Variants in CD3D observed in about 807,000 individuals in gnomAD.
CD3D encodes the protein CD3 delta subunit of T-cell receptor complex, also known as T-cell surface glycoprotein CD3 delta chain.
Under a neutral mutation model 22.0 loss-of-function variants are expected in CD3D, and 22 were observed. The observed-to-expected ratio is 1.00, with a 90% confidence interval of 0.71 to 1.43. The LOEUF (loss-of-function observed/expected upper bound fraction) is 1.43, where lower values mean the gene tolerates loss of function less well. CD3D is among the 40% of genes most tolerant of loss of function. The pLI is 0.00. For missense variants in CD3D, 205 were observed against 211.7 expected, an observed-to-expected ratio of 0.97 and a Z score of 0.20; for synonymous variants, 74 against 81.2, an observed-to-expected ratio of 0.91 and a Z score of 0.48.
At chr11:118,339,538 CTG>C in intron 3 of CD3D, 44 bp from the exon 4 acceptor site, 6 of 1,609,554 alleles carry the variant, frequency 3.7e-6, no homozygotes, top group Non-Finnish European at 5.1e-6. Flanking sequence ...GCAGATGGGA[CTG>C]TGAGATCCAC....
At chr11:118,342,498 C>T in intron 1 of CD3D, 55 bp downstream of exon 1, 1 of 1,488,336 alleles carries the variant, frequency 6.7e-7, no homozygotes, top group Non-Finnish European at 9.4e-7. Context: ...GGCCTCACTC[C>T]CATCAGTAAT....
intron 1 of CD3D, 46 bp from the exon 2 acceptor site, chr11:118,340,639 C>T (rs1289153703): frequency 1.4e-5 from 19 of 1,356,018 alleles, no homozygotes; most frequent in Non-Finnish European, 1.9e-5. Flanking sequence ...CTTTGATCTG[C>T]ACCAAGCCCT....
intron 1 of CD3D, among the ~76,000 whole-genome samples, chr11:118,342,049 A>T (rs1480401866): frequency 6.6e-6 from 1 of 152,172 alleles, no homozygotes; most frequent in African/African-American, 2.4e-5. Flanking sequence ...TTCTAGGCCC[A>T]CATGCACCCA....
rs143616106 is a variant in CD3D at position 118,339,472 on chromosome 11, C to T, written c.429G>A (p.Leu143=). 2 of 1,614,126 alleles carry T rather than the reference C, an allele frequency of 1.2e-6. No homozygotes were observed. The highest frequency in any genetic ancestry group is 1.7e-6 in the Non-Finnish European group (2 of 1,180,022). The change falls in exon 4 of 5, where the codon TTG becomes TTA. Residue 143 remains leucine, a synonymous_variant. Coordinates refer to ENST00000300692, the MANE Select transcript of CD3D (RefSeq NM_000732.6). ...TCACCTGATAGACCTGGTCATTCCT[C>T]AACAGAGCTTGTGTGTCGGCAGCTA... is the stretch of plus-strand genomic sequence containing the variant. ...LSGAADTQAL[L]RNDQVYQPLR...
At position 118,340,469 on chromosome 11, in the gene CD3D, C is replaced by A; in HGVS notation, c.180G>T (p.Leu60=). The A allele has an allele frequency of 6.2e-7, 1 of 1,614,030 alleles. No homozygotes were observed. Among genetic ancestry groups the A allele is most frequent in the Non-Finnish European group, 8.5e-7 (1 of 1,179,954 alleles). The change falls in exon 2 of 5, where the codon CTG becomes CTT. Residue 60 remains leucine (L), a synonymous_variant. Coordinates refer to ENST00000300692, the MANE Select transcript of CD3D (RefSeq NM_000732.6). ...TLLSDITRLD[L]GKRILDPRGI... ...CTCGTGGGTCCAGGATGCGTTTTCC[C>A]AGGTCCAGTCTTGTAATGTCTGAGA...
At chr11:118,340,314 G>A (rs996898702) in intron 2 of CD3D, 61 bp downstream of exon 2, 2 of 1,327,150 alleles carry the variant, frequency 1.5e-6, no homozygotes, top group East Asian at 2.3e-5. Context: ...TCTCTAGCCA[G>A]AAAGTTCTCA....
In CD3D at chr11:118,342,627, A is replaced by G. The variant is rs200235888; in HGVS notation, c.-20T>C. 2 of 1,611,776 alleles carry G rather than the reference A, an allele frequency of 1.2e-6. No individual in the cohort carries two copies. Among genetic ancestry groups the G allele is most frequent in the South Asian group, 2.2e-5 (2 of 91,030 alleles). On this transcript the variant is annotated 5_prime_UTR_variant, in exon 1 of 5. Transcript: ENST00000300692. Reference sequence around the variant, plus strand: ...TTCCATCTCCCAGCGGAACTCATCCAGTAGATAAAGCCAGGTCACCGAACT... The same window carrying G: ...TTCCATCTCCCAGCGGAACTCATCCGGTAGATAAAGCCAGGTCACCGAACT...
In CD3D at chr11:118,339,197, T is replaced by C; in HGVS notation, c.481A>G (p.Ser161Gly). ...CGAGCCCAGTTTCCTCCAAGGTGGC[T>C]GTACTGAGCATCATCTCGATCTCGG... The part of the protein sequence containing the change: ...PLRDRDDAQY[S>G]HLGGNWARNK Residue 161 changes from serine to glycine, a missense_variant, in exon 5 of 5, where the codon AGC becomes GGC. Ser to Gly is a moderately conservative substitution (Grantham distance 56). Transcript: ENST00000300692. The C allele has an allele frequency of 6.2e-7, 1 of 1,614,046 alleles. No individual in the cohort carries two copies. Among genetic ancestry groups the C allele is most frequent in the Non-Finnish European group, 8.5e-7 (1 of 1,179,980 alleles).
chr11:118,339,477 GAGCTTGTGTGTCGGC>G lies in CD3D; in HGVS notation c.409_423del (p.Ala137_Ala141del). On this transcript the variant is annotated inframe_deletion and splice_region_variant, in exon 4 of 5. Coordinates refer to ENST00000300692, the MANE Select transcript of CD3D (RefSeq NM_000732.6). ...TGATAGACCTGGTCATTCCTCAACAGAGCTTGTGTGTCGGCAGCTAGAAGAACCAGAGAGAGACAT... is the reference window on the plus strand; with the variant it reads ...TGATAGACCTGGTCATTCCTCAACAGAGCTAGAAGAACCAGAGAGAGACAT... The G allele has an allele frequency of 6.2e-7, 1 of 1,614,042 alleles. No individual in the cohort carries two copies. Among genetic ancestry groups the G allele is most frequent in the South Asian group, 1.1e-5 (1 of 91,078 alleles).
Position 118,342,675 on chromosome 11 carries a change from C to A in CD3D, c.-68G>T. The A allele has an allele frequency of 1.5e-6, 2 of 1,340,292 alleles. No homozygotes were observed. Among genetic ancestry groups the A allele is most frequent in the South Asian group, 1.2e-5 (1 of 85,318 alleles). The allele number at this position is 1,340,292 out of a possible 1,614,324, so 83.0% of individuals were successfully genotyped here. A position where few individuals can be genotyped will look rare whatever the true frequency, so the allele number is the denominator to read the frequency against. ...ACTATCAGCCTGGGTGAGAGCTGCC[C>A]TCCCCTAGCTGACTCACAGGTACCG... is the stretch of plus-strand genomic sequence containing the variant. On this transcript the variant is annotated 5_prime_UTR_variant, in exon 1 of 5. The change creates a new upstream start codon in the 5' untranslated region. Coordinates refer to ENST00000300692, the MANE Select transcript of CD3D (RefSeq NM_000732.6).
chr11:118,341,733 C>T (rs1948301803), intron 1 of CD3D, among the ~76,000 whole-genome samples: 1 of 152,164 alleles, frequency 6.6e-6, no homozygotes, highest in African/African-American at 2.4e-5. Context: ...TGGGACTTTC[C>T]ATTTTAAAAC....
chr11:118,339,524 C>T, intron 3 of CD3D, 30 bp from the exon 4 acceptor site: 2 of 1,613,848 alleles, frequency 1.2e-6, no homozygotes, highest in Non-Finnish European at 1.7e-6. Flanking sequence ...ACATCAATGG[C>T]CTAGCAGATG....
intron 3 of CD3D, 122 bp from the exon 4 acceptor site, chr11:118,339,616 T>C: frequency 1.9e-6 from 3 of 1,558,874 alleles, no homozygotes; most frequent in Non-Finnish European, 2.6e-6. Flanking sequence ...CAGTCAAAGT[T>C]CTAGGAGTCT....
At chr11:118,339,073 G>A, downstream of CD3D, 1 of 1,203,020 alleles carries the variant, frequency 8.3e-7, no homozygotes, top group Non-Finnish European at 1.2e-6. Context: ...CCAGGCACCT[G>A]CTGAGTGAAA....
At position 118,339,461 on chromosome 11, in the gene CD3D, TG is replaced by T. The variant is rs766635975; in HGVS notation, c.439del (p.Gln147ArgfsTer33). On this transcript the variant is annotated frameshift_variant, in exon 4 of 5. Transcript: ENST00000300692. LOFTEE classifies it high-confidence loss of function. ...ADTQALLRND[Q>X]VYQPLRDRDD... ...CCCCTCAACGCTCACCTGATAGACC[TG>T]GTCATTCCTCAACAGAGCTTGTGTG... 1.9e-6 allele frequency: 3 copies of T among 1,614,086 alleles called. No homozygotes were observed. Among genetic ancestry groups the T allele is most frequent in the Non-Finnish European group, 2.5e-6 (3 of 1,180,008 alleles).
chr11:118,339,984 C>A (rs1591277990), intron 2 of CD3D, 78 bp from the exon 3 acceptor site: 2 of 1,569,900 alleles, frequency 1.3e-6, no homozygotes, highest in African/African-American at 2.7e-5. Flanking sequence ...CTAGGGCAAC[C>A]CTTAGATCTC....
Position 118,340,387 on chromosome 11 carries a change from C to T in CD3D, c.262G>A (p.Val88Ile), listed in dbSNP as rs200260087. ...IYKDKESTVQVHYRMCQSCVE... is the reference protein window; with the variant it reads ...IYKDKESTVQIHYRMCQSCVE... Reference sequence around the variant, plus strand: ...AGGAAGCACGTACTTCGATAATGAACTTGCACGGTAGATTCTTTGTCCTTG... The same window carrying T: ...AGGAAGCACGTACTTCGATAATGAATTTGCACGGTAGATTCTTTGTCCTTG... The change falls in exon 2 of 5, where the codon GTT (valine) becomes ATT (isoleucine). Residue 88 changes from valine (V) to isoleucine (I), a missense_variant. Physicochemically the swap from Val to Ile is conservative, Grantham distance 29 (BLOSUM62 3). Transcript: ENST00000300692. 1.3e-5 allele frequency: 21 copies of T among 1,613,634 alleles called. No individual in the cohort carries two copies. The highest frequency in any genetic ancestry group is 1.7e-5 in the Non-Finnish European group (20 of 1,179,652).
Position 118,339,450 on chromosome 11 carries a change from C to T in CD3D, c.450+1G>A, listed in dbSNP as rs1245656535. 1.9e-6 allele frequency: 3 copies of T among 1,613,968 alleles called. No homozygotes were observed. Among genetic ancestry groups the T allele is most frequent in the Non-Finnish European group, 2.5e-6 (3 of 1,179,998 alleles). On this transcript the variant is annotated splice_donor_variant, in intron 4 of 4. Coordinates refer to ENST00000300692, the MANE Select transcript of CD3D (RefSeq NM_000732.6). LOFTEE classifies it high-confidence loss of function. ...CCTGCCTCCTTCCCCTCAACGCTCA[C>T]CTGATAGACCTGGTCATTCCTCAAC...
intron 4 of CD3D, 28 bp downstream of exon 4, chr11:118,339,423 T>C (rs1466130293): frequency 6.2e-7 from 1 of 1,613,324 alleles, no homozygotes. Flanking sequence ...CCTCCCTTCA[T>C]TCCTGCCTCC....
Sources: allele counts gnomAD v4.1 joint callset (sites outside exome capture counted in the v4.1 genomes callset), GRCh38; gene constraint gnomAD v4.1.1; transcripts MANE v1.5; gene names NCBI Gene and HGNC (gene_info 2026-07-23, HGNC 2026-07-21).